Variants in EDAR observed in about 807,000 individuals in gnomAD.
EDAR encodes the protein tumor necrosis factor receptor superfamily member EDAR.
In EDAR, 38 loss-of-function variants were observed where a neutral mutation model predicts 51.3. The ratio of observed to expected loss-of-function variants is 0.74; its 90% confidence interval spans 0.57 to 0.97. EDAR has a LOEUF of 0.97. Ranked by LOEUF, EDAR falls within the 50% of genes least tolerant of loss-of-function variation. The probability of loss-of-function intolerance (pLI) is 0.00; values close to 1 mark genes in which losing one functional copy is unlikely to be tolerated. For synonymous variants in EDAR, 227 were observed against 242.1 expected (o/e 0.94, Z 0.58); for missense variants, 528 against 595.0 (o/e 0.89, Z 1.17).
intron 1 of EDAR, among the ~76,000 whole-genome samples, chr2:108,976,693 T>C (rs1248316769): frequency 6.6e-6 from 1 of 152,256 alleles, no homozygotes; most frequent in African/African-American, 2.4e-5. Flanking sequence ...CTCTGGGTTA[T>C]AACCCAATAT....
intron 1 of EDAR, among the ~76,000 whole-genome samples, chr2:108,977,590 T>C (rs1053007124): frequency 2.6e-5 from 4 of 152,028 alleles, no homozygotes; most frequent in Non-Finnish European, 5.9e-5. Context: ...CTTTTTTGAG[T>C]GTTCCTGAAG....
At chr2:108,911,664 C>A (rs1696931585) in intron 6 of EDAR, among the ~76,000 whole-genome samples, 1 of 152,150 alleles carries the variant, frequency 6.6e-6, no homozygotes, top group African/African-American at 2.4e-5. Context: ...TAATGTCGAC[C>A]CTGGATGCAT....
At chr2:108,952,866 A>T (rs567842585) in intron 1 of EDAR, among the ~76,000 whole-genome samples, 56 of 152,328 alleles carry the variant, frequency 3.7e-4, no homozygotes, top group South Asian at 6.2e-4. Flanking sequence ...TTACTGGAAG[A>T]TCCTCCCAAA....
At chr2:108,917,946 C>A (rs1348627165) in intron 5 of EDAR, among the ~76,000 whole-genome samples, 2 of 151,980 alleles carry the variant, frequency 1.3e-5, no homozygotes, top group Non-Finnish European at 2.9e-5. Flanking sequence ...CCATGGAAAA[C>A]AAGCACCTAC....
chr2:108,986,949 G>A (rs911607539), intron 1 of EDAR, among the ~76,000 whole-genome samples: 20 of 152,184 alleles, frequency 1.3e-4, no homozygotes, highest in African/African-American at 3.1e-4. Flanking sequence ...CTATTGGTGG[G>A]TGGAATACCT....
chr2:108,970,645 T>A (rs1454089228), intron 1 of EDAR, among the ~76,000 whole-genome samples: 1 of 152,094 alleles, frequency 6.6e-6, no homozygotes, highest in Non-Finnish European at 1.5e-5. Flanking sequence ...CTTCACTTCC[T>A]TCCTGCTCAG....
At chr2:108,917,658 C>T (rs750251605) in intron 5 of EDAR, among the ~76,000 whole-genome samples, 13 of 151,890 alleles carry the variant, frequency 8.6e-5, no homozygotes, top group South Asian at 8.4e-4. Flanking sequence ...GGGGGTCAAA[C>T]GGGAGGCGGT....
At chr2:108,977,234 G>C (rs1698338877) in intron 1 of EDAR, among the ~76,000 whole-genome samples, 1 of 152,108 alleles carries the variant, frequency 6.6e-6, no homozygotes, top group African/African-American at 2.4e-5. Context: ...GCCGCCGGGA[G>C]ATCTGGTGGC....
intron 1 of EDAR, among the ~76,000 whole-genome samples, chr2:108,965,073 C>T (rs960279081): frequency 6.6e-6 from 1 of 151,908 alleles, no homozygotes; most frequent in Non-Finnish European, 1.5e-5. Context: ...ACTATGCCAC[C>T]CACTTAGAAA....
At chr2:108,974,535 G>T (rs1253371712) in intron 1 of EDAR, among the ~76,000 whole-genome samples, 2 of 151,338 alleles carry the variant, frequency 1.3e-5, no homozygotes, top group East Asian at 3.9e-4. Flanking sequence ...TTGGAGACCA[G>T]CCTGACCAAC....
chr2:108,923,551 CA>C, intron 4 of EDAR, 98 bp from the exon 5 acceptor site: 1 of 1,135,864 alleles, frequency 8.8e-7, no homozygotes, highest in Non-Finnish European at 1.3e-6. Context: ...TGCAGGCCCA[CA>C]ATCAAGTCGG....
intron 1 of EDAR, among the ~76,000 whole-genome samples, chr2:108,968,658 C>T (rs1303627040): frequency 6.6e-6 from 1 of 152,178 alleles, no homozygotes; most frequent in Non-Finnish European, 1.5e-5. Flanking sequence ...GAGCTGGCAC[C>T]TTCTTCTGCA....
At chr2:108,929,075 A>G in intron 4 of EDAR, 123 bp downstream of exon 4, 1 of 1,139,090 alleles carries the variant, frequency 8.8e-7, no homozygotes, top group Non-Finnish European at 1.3e-6. Context: ...GACCAAGGCC[A>G]GGTGTGCGGC....
chr2:108,895,989 C>A lies in EDAR; in HGVS notation c.*918G>T, dbSNP rs1053239903. 2.0e-5 allele frequency: 3 copies of A among 152,236 alleles called. No individual in the cohort carries two copies. Among genetic ancestry groups the A allele is most frequent in the African/African-American group, 7.2e-5 (3 of 41,458 alleles). 9.4% of individuals were successfully genotyped at this position (152,236 alleles called of 1,614,324 possible). ...TGTTTGAAGTGAAAACACAGCCTGA[C>A]ACATTATAATTTAAATTGCTGTGTC... On this transcript the variant is annotated 3_prime_UTR_variant, in exon 12 of 12. Coordinates refer to ENST00000258443, the MANE Select transcript of EDAR (RefSeq NM_022336.4).
At chr2:108,962,697 A>AG (rs1698073659) in intron 1 of EDAR, among the ~76,000 whole-genome samples, 1 of 114,140 alleles carries the variant, frequency 8.8e-6, no homozygotes, top group African/African-American at 2.8e-5. Context: ...AAAAAAAAAA[A>AG]AAAAGAGAGA....
In EDAR at chr2:108,896,949, C is replaced by T. The variant is rs564195922; in HGVS notation, c.1305G>A (p.Ala435=). The change falls in exon 12 of 12, where the codon GCG becomes GCA. Residue 435 remains alanine, a synonymous_variant. Coordinates refer to ENST00000258443, the MANE Select transcript of EDAR (RefSeq NM_022336.4). The part of the protein sequence containing the change: ...ESLCADILEW[A]GVVPPASQPH... ...GCTGGGAGGCAGGTGGCACAACCCC[C>T]GCCCACTCCAGTATGTCTGCACACA... The T allele has an allele frequency of 2.7e-4, 435 of 1,613,350 alleles. 7 individuals carry two copies. The Admixed American group carries it at 7.1e-3, about 26-fold the overall frequency.
intron 11 of EDAR, among the ~76,000 whole-genome samples, chr2:108,904,878 G>A (rs931358434): frequency 1.3e-5 from 2 of 152,180 alleles, no homozygotes; most frequent in Admixed American, 6.5e-5. Flanking sequence ...TATGGGAGCT[G>A]AGTCGATATC....
chr2:108,909,420 C>T (rs1027444042), intron 9 of EDAR, among the ~76,000 whole-genome samples: 1 of 47,520 alleles, frequency 2.1e-5, no homozygotes, highest in Non-Finnish European at 4.5e-5. Flanking sequence ...GATGCTGGAT[C>T]GATTGGAATG....
At chr2:108,932,102 C>G (rs1196814185) in intron 1 of EDAR, among the ~76,000 whole-genome samples, 3 of 152,220 alleles carry the variant, frequency 2.0e-5, no homozygotes, top group Admixed American at 6.5e-5. Flanking sequence ...CACACAAAAA[C>G]ACCGTGACGA....
Sources: gnomAD v4.1 joint callset for allele counts (sites outside exome capture counted in the v4.1 genomes callset) on GRCh38, gnomAD v4.1.1 for gene constraint, MANE v1.5 for transcripts, NCBI Gene and HGNC (gene_info 2026-07-23, HGNC 2026-07-21) for gene names.